SLC38A12: variants seen among roughly 807,000 people sequenced by gnomAD.
SLC38A12 encodes the protein solute carrier family 38 member 12, also known as putative sodium-coupled neutral amino acid transporter 12.
chr17:74,798,838 G>T, the SLC38A12 span, among the ~76,000 whole-genome samples: 6 of 152,100 alleles, frequency 3.9e-5, no homozygotes, highest in African/African-American at 1.4e-4. Flanking sequence ...CCAGGCTAGG[G>T]AACATCTCAG....
the SLC38A12 span, among the ~76,000 whole-genome samples, chr17:74,813,538 G>T: frequency 6.6e-6 from 1 of 151,994 alleles, no homozygotes; most frequent in African/African-American, 2.4e-5. Context: ...CACCCAGGCT[G>T]GAATGCAATG....
chr17:74,804,195 G>T, the SLC38A12 span, among the ~76,000 whole-genome samples: 1 of 152,386 alleles, frequency 6.6e-6, no homozygotes, highest in East Asian at 1.9e-4. Context: ...ATCATAAGCA[G>T]AGCCTGATGT....
At chr17:74,820,102 GC>G in the SLC38A12 span, among the ~76,000 whole-genome samples, 1 of 152,202 alleles carries the variant, frequency 6.6e-6, no homozygotes, top group African/African-American at 2.4e-5. Context: ...TGGAGCTGGG[GC>G]TAGAGCCCAG....
the SLC38A12 span, among the ~76,000 whole-genome samples, chr17:74,781,763 T>C: frequency 3.9e-5 from 6 of 152,368 alleles, no homozygotes; most frequent in Non-Finnish European, 5.9e-5. Flanking sequence ...GTTCTGTTAG[T>C]GCCCTGCTTA....
At chr17:74,802,535 T>C in the SLC38A12 span, among the ~76,000 whole-genome samples, 1 of 152,170 alleles carries the variant, frequency 6.6e-6, no homozygotes. Flanking sequence ...AGCATGACAG[T>C]TGGGTGTCTC....
the SLC38A12 span, among the ~76,000 whole-genome samples, chr17:74,792,475 AG>A: frequency 3.3e-5 from 5 of 152,236 alleles, no homozygotes; most frequent in Non-Finnish European, 5.9e-5. Flanking sequence ...ACCAGAAAAA[AG>A]AGTTTAGTTT....
chr17:74,806,627 A>C, the SLC38A12 span, among the ~76,000 whole-genome samples: 2 of 151,844 alleles, frequency 1.3e-5, no homozygotes, highest in Non-Finnish European at 2.9e-5. Context: ...CACAGTCCCT[A>C]TTTTCTTCCT....
At chr17:74,790,218 T>C in the SLC38A12 span, 2 of 1,613,940 alleles carry the variant, frequency 1.2e-6, no homozygotes, top group Non-Finnish European at 1.7e-6. Flanking sequence ...AGATGACGAC[T>C]CCTCCACAGC....
At chr17:74,778,355 A>G in the SLC38A12 span, among the ~76,000 whole-genome samples, 1 of 152,224 alleles carries the variant, frequency 6.6e-6, no homozygotes. Flanking sequence ...AGGCAAAAGC[A>G]GCACTGCCCT....
At chr17:74,791,244 G>A in the SLC38A12 span, among the ~76,000 whole-genome samples, 1 of 152,216 alleles carries the variant, frequency 6.6e-6, no homozygotes, top group African/African-American at 2.4e-5. Context: ...AAACAAAGAG[G>A]CCGCTTCTCT....
the SLC38A12 span, chr17:74,838,590 C>T: frequency 1.6e-6 from 2 of 1,255,550 alleles, no homozygotes; most frequent in Non-Finnish European, 2.0e-6. Flanking sequence ...CTGGAGGGAA[C>T]TGGCCAGCAG....
At chr17:74,780,084 G>A in the SLC38A12 span, among the ~76,000 whole-genome samples, 1 of 152,202 alleles carries the variant, frequency 6.6e-6, no homozygotes, top group Non-Finnish European at 1.5e-5. Context: ...TGTAGGTCAC[G>A]CCCGACAGAA....
the SLC38A12 span, among the ~76,000 whole-genome samples, chr17:74,822,848 C>T: frequency 1.6e-4 from 24 of 152,322 alleles, no homozygotes; most frequent in Admixed American, 1.4e-3. Flanking sequence ...CGGGCAGCAG[C>T]GTGGCTCAGG....
the SLC38A12 span, among the ~76,000 whole-genome samples, chr17:74,797,317 G>A: frequency 6.6e-6 from 1 of 152,160 alleles, no homozygotes; most frequent in Non-Finnish European, 1.5e-5. Context: ...AAGCAGACGG[G>A]CATTAATTAC....
At chr17:74,839,233 T>A in the SLC38A12 span, 2 of 1,434,682 alleles carry the variant, frequency 1.4e-6, no homozygotes, top group African/African-American at 2.8e-5. Flanking sequence ...AGGTGGGCAG[T>A]GGCACCATGA....
At chr17:74,822,213 G>T in the SLC38A12 span, among the ~76,000 whole-genome samples, 360 of 152,342 alleles carry the variant, frequency 2.4e-3, 2 homozygotes, top group Non-Finnish European at 4.0e-3. Context: ...TCTGTGGCCA[G>T]CAGGGCCCCG....
the SLC38A12 span, among the ~76,000 whole-genome samples, chr17:74,804,501 G>C: frequency 6.6e-6 from 1 of 152,264 alleles, no homozygotes; most frequent in Non-Finnish European, 1.5e-5. Flanking sequence ...CGATTAGGGT[G>C]CACATTAATG....
the SLC38A12 span, chr17:74,777,751 C>G: frequency 5.6e-6 from 3 of 538,616 alleles, no homozygotes; most frequent in Non-Finnish European, 9.5e-6. Context: ...AAAACCCTGT[C>G]TCTACTAAAA....
chr17:74,830,543 G>T, the SLC38A12 span, among the ~76,000 whole-genome samples: 1 of 152,216 alleles, frequency 6.6e-6, no homozygotes, highest in African/African-American at 2.4e-5. Flanking sequence ...GATGTTATAA[G>T]AACATATCTT....
Sources: gnomAD v4.1 joint callset for allele counts (sites outside exome capture counted in the v4.1 genomes callset) on GRCh38, gnomAD v4.1.1 for gene constraint, MANE v1.5 for transcripts, NCBI Gene and HGNC (gene_info 2026-07-23, HGNC 2026-07-21) for gene names.